Variants in SGPP1 observed in about 807,000 individuals in gnomAD.
SGPP1 encodes hSPP1.
Under a neutral mutation model 33.0 loss-of-function variants are expected in SGPP1, and 21 were observed. The ratio of observed to expected loss-of-function variants is 0.64; its 90% CI spans 0.45 to 0.92. The LOEUF (loss-of-function observed/expected upper bound fraction) is 0.92, where lower values mean the gene tolerates loss of function less well. Among genes scored for constraint, SGPP1 ranks in the 40% least tolerant of loss-of-function variants. The pLI, the probability that SGPP1 is intolerant of heterozygous loss-of-function variation, is 0.00. For missense variants in SGPP1, 543 were observed against 589.4 expected (o/e 0.92, Z 0.81); for synonymous variants, 239 against 241.2 (o/e 0.99, Z 0.08).
intron 2 of SGPP1, among the ~76,000 whole-genome samples, chr14:63,696,134 A>G (rs1045382064): frequency 6.6e-6 from 1 of 152,096 alleles, no homozygotes; most frequent in Non-Finnish European, 1.5e-5. Context: ...CTAAAAATAC[A>G]AAAATTATCA....
intron 2 of SGPP1, among the ~76,000 whole-genome samples, chr14:63,692,455 C>CA (rs796167645): frequency 1.4e-5 from 2 of 144,778 alleles, no homozygotes; most frequent in African/African-American, 5.0e-5. Context: ...GTTCAACTTC[C>CA]TTTTTTTTTT....
At chr14:63,701,609 T>C (rs529677109) in intron 1 of SGPP1, among the ~76,000 whole-genome samples, 2 of 152,094 alleles carry the variant, frequency 1.3e-5, no homozygotes, top group Non-Finnish European at 2.9e-5. Context: ...GCTGTGGCCA[T>C]AGCAGAGAGA....
intron 2 of SGPP1, among the ~76,000 whole-genome samples, chr14:63,695,114 T>C (rs1885161177): frequency 6.6e-6 from 1 of 152,196 alleles, no homozygotes; most frequent in African/African-American, 2.4e-5. Flanking sequence ...TGGAGTGCAG[T>C]GGCGCGATCT....
rs751302226 is a variant in SGPP1, at chr14:63,686,628, A to C, written c.803T>G (p.Ile268Ser). 1.2e-6 allele frequency: 2 copies of C among 1,612,522 alleles called. No homozygotes were observed. Among genetic ancestry groups the C allele is most frequent in the Non-Finnish European group, 1.7e-6 (2 of 1,178,944 alleles). ...LDIIAGFLYT[I>S]LILAVFYPFV... ...TGGATAGAAGACAGCTAAGATTAAAATGGTATATAGGAATCCAGCAATAAT... is the reference window on the plus strand; with the variant it reads ...TGGATAGAAGACAGCTAAGATTAAACTGGTATATAGGAATCCAGCAATAAT... The change falls in exon 3 of 3, where the codon ATT (isoleucine) becomes AGT (serine). Residue 268 changes from isoleucine (I) to serine (S), a missense_variant. Physicochemically the swap from Ile to Ser is moderately radical, Grantham distance 142 (BLOSUM62 -2). Coordinates refer to ENST00000247225, the MANE Select transcript of SGPP1 (RefSeq NM_030791.4).
At chr14:63,713,948 C>A (rs1447703729) in intron 1 of SGPP1, among the ~76,000 whole-genome samples, 3 of 152,180 alleles carry the variant, frequency 2.0e-5, no homozygotes, top group African/African-American at 7.2e-5. Flanking sequence ...TGTTGGCATG[C>A]ACCATCTAAT....
chr14:63,707,783 C>T (rs1039303730), intron 1 of SGPP1, among the ~76,000 whole-genome samples: 1 of 152,024 alleles, frequency 6.6e-6, no homozygotes, highest in Non-Finnish European at 1.5e-5. Flanking sequence ...ATAATCCACC[C>T]TCATCTGCTT....
chr14:63,710,990 T>G, intron 1 of SGPP1, among the ~76,000 whole-genome samples: 1 of 152,164 alleles, frequency 6.6e-6, no homozygotes, highest in East Asian at 1.9e-4. Context: ...TTTTTAAAAT[T>G]TCATTCATTA....
chr14:63,719,791 T>C (rs1885730985), intron 1 of SGPP1, among the ~76,000 whole-genome samples: 1 of 151,094 alleles, frequency 6.6e-6, no homozygotes, highest in Admixed American at 6.6e-5. Context: ...CATAGACACA[T>C]AATTAGTATT....
rs1884950659 is a variant in SGPP1, at chr14:63,685,487, T to C, written c.*618A>G. 1 of 152,326 alleles carries C rather than the reference T, an allele frequency of 6.6e-6. No homozygotes were observed. 9.4% of individuals were successfully genotyped at this position (152,326 alleles called of 1,614,324 possible). On this transcript the variant is annotated 3_prime_UTR_variant, in exon 3 of 3. Coordinates refer to ENST00000247225, the MANE Select transcript of SGPP1 (RefSeq NM_030791.4). ...ATCCAAAAACTAATTTTTCTAAAAA[T>C]TTGGTCCATTAAAAATGCCTCCCAT...
At chr14:63,700,732 C>T (rs1191888665) in intron 1 of SGPP1, among the ~76,000 whole-genome samples, 1 of 152,084 alleles carries the variant, frequency 6.6e-6, no homozygotes, top group Non-Finnish European at 1.5e-5. Flanking sequence ...CATTAATATT[C>T]CTTGTGCTCC....
intron 1 of SGPP1, among the ~76,000 whole-genome samples, chr14:63,716,007 T>C (rs1157639244): frequency 6.6e-6 from 1 of 152,120 alleles, no homozygotes; most frequent in Non-Finnish European, 1.5e-5. Context: ...CTAGAAGGAT[T>C]TAAACTGACA....
At chr14:63,724,104 T>A (rs1885829099) in intron 1 of SGPP1, among the ~76,000 whole-genome samples, 1 of 152,056 alleles carries the variant, frequency 6.6e-6, no homozygotes, top group Non-Finnish European at 1.5e-5. Context: ...GGTCTCCAAC[T>A]CCTGGGCTCA....
chr14:63,721,084 T>G (rs771236657), intron 1 of SGPP1, among the ~76,000 whole-genome samples: 7 of 152,196 alleles, frequency 4.6e-5, no homozygotes, highest in Non-Finnish European at 8.8e-5. Context: ...GGTTTCACCA[T>G]ATTGGTCAGG....
chr14:63,705,817 T>A (rs1885399859), intron 1 of SGPP1, among the ~76,000 whole-genome samples: 1 of 152,164 alleles, frequency 6.6e-6, no homozygotes, highest in Non-Finnish European at 1.5e-5. Flanking sequence ...ATTGGAAGCT[T>A]TATACATTGC....
chr14:63,693,184 C>T (rs180770619), intron 2 of SGPP1, among the ~76,000 whole-genome samples: 9 of 152,356 alleles, frequency 5.9e-5, no homozygotes, highest in African/African-American at 1.7e-4. Context: ...CCACCCGCCT[C>T]GGCCTCCCGA....
chr14:63,705,305 T>C (rs1442593137), intron 1 of SGPP1, among the ~76,000 whole-genome samples: 1 of 147,518 alleles, frequency 6.8e-6, no homozygotes, highest in East Asian at 2.0e-4. Context: ...GACAACACAA[T>C]TGAAAAATGG....
chr14:63,702,726 A>G (rs537684828), intron 1 of SGPP1, among the ~76,000 whole-genome samples: 2 of 152,102 alleles, frequency 1.3e-5, no homozygotes, highest in Non-Finnish European at 2.9e-5. Flanking sequence ...AATTAAAAAG[A>G]AAACATTTTG....
At chr14:63,704,163 T>C (rs762315095) in intron 1 of SGPP1, among the ~76,000 whole-genome samples, 1 of 152,124 alleles carries the variant, frequency 6.6e-6, no homozygotes, top group Non-Finnish European at 1.5e-5. Flanking sequence ...TTGCAGATAC[T>C]GAAAAGCTGA....
intron 1 of SGPP1, among the ~76,000 whole-genome samples, chr14:63,713,450 C>T (rs528889725): frequency 1.3e-5 from 2 of 152,288 alleles, no homozygotes; most frequent in South Asian, 2.1e-4. Flanking sequence ...TTGTAAAGAG[C>T]CTGATAGCAA....
Sources: allele counts gnomAD v4.1 joint callset (sites outside exome capture counted in the v4.1 genomes callset), GRCh38; gene constraint gnomAD v4.1.1; transcripts MANE v1.5; gene names NCBI Gene and HGNC (gene_info 2026-07-23, HGNC 2026-07-21).